Variants in TESPA1 observed in about 807,000 individuals in gnomAD.
TESPA1 encodes the protein protein TESPA1.
Under a neutral mutation model 57.9 loss-of-function variants are expected in TESPA1, and 33 were observed. The observed-to-expected ratio is 0.57, with a 90% confidence interval of 0.43 to 0.76. The LOEUF is 0.76. TESPA1 is among the 30% of genes least tolerant of loss of function. The probability of loss-of-function intolerance (pLI) is 0.00; values close to 1 mark genes in which losing one functional copy is unlikely to be tolerated. For missense variants in TESPA1, 618 were observed against 632.9 expected, an observed-to-expected ratio of 0.98 and a Z score of 0.25; for synonymous variants, 227 against 228.9, an observed-to-expected ratio of 0.99 and a Z score of 0.07.
At chr12:54,974,704 G>T in intron 1 of TESPA1, 97 bp from the exon 2 acceptor site, 1 of 917,090 alleles carries the variant, frequency 1.1e-6, no homozygotes, top group Non-Finnish European at 1.5e-6. Context: ...TCTGCCCAAA[G>T]GAGCTTGGTC....
intron 9 of TESPA1, among the ~76,000 whole-genome samples, chr12:54,961,561 G>T (rs948313561): frequency 6.6e-6 from 1 of 152,196 alleles, no homozygotes. Flanking sequence ...ATCTTCCATA[G>T]ACCCAGGCGA....
chr12:54,954,363 A>G (rs1950602763), intron 10 of TESPA1, among the ~76,000 whole-genome samples: 1 of 152,072 alleles, frequency 6.6e-6, no homozygotes, highest in Non-Finnish European at 1.5e-5. Context: ...ACAAAATAAC[A>G]CTTCTGTATC....
intron 3 of TESPA1, among the ~76,000 whole-genome samples, chr12:54,971,890 T>C (rs1489700039): frequency 6.6e-6 from 1 of 152,188 alleles, no homozygotes; most frequent in South Asian, 2.1e-4. Context: ...TGGATAGATA[T>C]AGACAGACAT....
chr12:54,961,092 T>A lies in TESPA1; in HGVS notation c.*1+76A>T, dbSNP rs1030713329. 814 of 1,287,358 alleles carry A rather than the reference T, an allele frequency of 6.3e-4. 1 individual carries two copies. The highest frequency in any genetic ancestry group is 8.4e-4 in the Non-Finnish European group (778 of 922,504). The allele number at this position is 1,287,358 out of a possible 1,614,324, so 79.7% of individuals were successfully genotyped here. ...AATGTGGGACCCTTTATTATGGGTTTAAAAAAAAAAAACCTTCCTCATTTG... is the reference window on the plus strand; with the variant it reads ...AATGTGGGACCCTTTATTATGGGTTAAAAAAAAAAAAACCTTCCTCATTTG... On this transcript the variant is annotated intron_variant, in intron 10 of 10. Coordinates refer to ENST00000449076, the MANE Select transcript of TESPA1 (RefSeq NM_001136030.3).
At chr12:54,964,415 G>T (rs1030105683) in intron 7 of TESPA1, among the ~76,000 whole-genome samples, 3 of 152,084 alleles carry the variant, frequency 2.0e-5, no homozygotes, top group Non-Finnish European at 4.4e-5. Context: ...TTGATCTTAG[G>T]GCAAAAAGTA....
chr12:54,973,578 G>A, intron 2 of TESPA1, 59 bp from the exon 3 acceptor site: 1 of 1,612,720 alleles, frequency 6.2e-7, no homozygotes, highest in Non-Finnish European at 8.5e-7. Flanking sequence ...CCTCCTCCCT[G>A]CAACTAATTC....
Position 54,973,499 on chromosome 12 carries a change from C to T in TESPA1, c.184G>A (p.Glu62Lys), listed in dbSNP as rs1951975045. ...FQEGNPINKI[E>K]DWLQDCGYSE... ...TACCCGCAATCCTGCAGCCAGTCTT[C>T]AATTTTATTGATTGGATTCCCTAGA... Residue 62 changes from glutamate to lysine, a missense_variant, in exon 3 of 11, where the codon GAA becomes AAA. Glu to Lys is a moderately conservative substitution (Grantham distance 56, BLOSUM62 1). Coordinates refer to ENST00000449076, the MANE Select transcript of TESPA1 (RefSeq NM_001136030.3). The T allele has an allele frequency of 6.2e-7, 1 of 1,613,860 alleles. No homozygotes were observed. The highest frequency in any genetic ancestry group is 8.5e-7 in the Non-Finnish European group (1 of 1,179,896).
At chr12:54,958,246 G>A (rs922487785) in intron 10 of TESPA1, among the ~76,000 whole-genome samples, 3 of 152,110 alleles carry the variant, frequency 2.0e-5, no homozygotes, top group Admixed American at 6.5e-5. Context: ...CTTGTGCAAG[G>A]CTGACATCTG....
intron 10 of TESPA1, among the ~76,000 whole-genome samples, chr12:54,952,530 T>C (rs1321923887): frequency 1.3e-5 from 2 of 152,234 alleles, no homozygotes; most frequent in East Asian, 1.9e-4. Flanking sequence ...ATTACCTTAG[T>C]GATTTATGTT....
At chr12:54,981,749 G>A (rs1952332187) in intron 1 of TESPA1, 1 of 152,140 alleles carries the variant, frequency 6.6e-6, no homozygotes, top group Non-Finnish European at 1.5e-5. Context: ...GAATATTAGT[G>A]GTTTTAAATG....
chr12:54,963,740 A>T lies in TESPA1; in HGVS notation c.655+2T>A, dbSNP rs1951235391. 1 of 1,610,752 alleles carries T rather than the reference A, an allele frequency of 6.2e-7. No individual in the cohort carries two copies. Among genetic ancestry groups the T allele is most frequent in the Non-Finnish European group, 8.5e-7 (1 of 1,178,768 alleles). On this transcript the variant is annotated splice_donor_variant, in intron 8 of 10. Coordinates refer to ENST00000449076, the MANE Select transcript of TESPA1 (RefSeq NM_001136030.3). LOFTEE classifies it high-confidence loss of function. ...GAGCAGGTGCCTGGGAGGGACACTC[A>T]CTGGCCAGCATGAGGCAGGGGTCTT...
intron 10 of TESPA1, among the ~76,000 whole-genome samples, chr12:54,953,627 C>A (rs564576705): frequency 6.6e-6 from 1 of 151,754 alleles, no homozygotes; most frequent in East Asian, 2.0e-4. Context: ...ACGCCATTCT[C>A]CTGCCTCAAG....
intron 1 of TESPA1, among the ~76,000 whole-genome samples, chr12:54,983,360 T>C (rs1952393158): frequency 6.6e-6 from 1 of 152,160 alleles, no homozygotes; most frequent in Non-Finnish European, 1.5e-5. Context: ...TTTCTGATAA[T>C]AGTCCAAGTA....
chr12:54,984,152 A>G (rs548548250), intron 1 of TESPA1: 92 of 152,304 alleles, frequency 6.0e-4, no homozygotes, highest in African/African-American at 2.0e-3. Flanking sequence ...GGAGCTATGG[A>G]CACTAGAGTA....
At chr12:54,958,763 C>T (rs1565830074) in intron 10 of TESPA1, among the ~76,000 whole-genome samples, 1 of 152,270 alleles carries the variant, frequency 6.6e-6, no homozygotes, top group Admixed American at 6.5e-5. Flanking sequence ...TAGTCTCAAG[C>T]TCAGAGATTC....
chr12:54,948,094 G>A lies in TESPA1; in HGVS notation c.*2298C>T, dbSNP rs1412997972. 6.6e-6 allele frequency: 1 copy of A among 152,246 alleles called. No homozygotes were observed. The highest frequency in any genetic ancestry group is 1.5e-5 in the Non-Finnish European group (1 of 68,108). The allele number at this position is 152,246 out of a possible 1,614,324, so 9.4% of individuals were successfully genotyped here. ...AAAAGAGAGTCAGCAAAGGGAGATA[G>A]GGGTGGGGCTGTTTTATAGGATTTA... is the stretch of plus-strand genomic sequence containing the variant. On this transcript the variant is annotated 3_prime_UTR_variant, in exon 11 of 11. Transcript: ENST00000449076.
Position 54,949,054 on chromosome 12 carries a change from G to T in TESPA1, c.*1338C>A, listed in dbSNP as rs532644555. The stretch of plus-strand genomic sequence containing the variant: ...AGGAAGATAGTTCCCCTGTCTCCTG[G>T]TTTCTGTGGGTGGGAAGGGTAGGAA... On this transcript the variant is annotated 3_prime_UTR_variant, in exon 11 of 11. Coordinates refer to ENST00000449076, the MANE Select transcript of TESPA1 (RefSeq NM_001136030.3). 1.3e-5 allele frequency: 2 copies of T among 150,836 alleles called. No homozygotes were observed. Among genetic ancestry groups the T allele is most frequent in the African/African-American group, 4.9e-5 (2 of 41,004 alleles). 9.3% of individuals were successfully genotyped at this position (150,836 alleles called of 1,614,324 possible).
Position 54,966,074 on chromosome 12 carries a change from C to A in TESPA1, c.425G>T (p.Gly142Val). 10 of 1,576,390 alleles carry A rather than the reference C, an allele frequency of 6.3e-6. No individual in the cohort carries two copies. Among genetic ancestry groups the A allele is most frequent in the Non-Finnish European group, 8.6e-6 (10 of 1,159,874 alleles). Residue 142 changes from glycine (G) to valine (V), a missense_variant, in exon 7 of 11, where the codon GGG (glycine) becomes GTG (valine). By Grantham distance (109) the Gly-to-Val change is moderately radical. Coordinates refer to ENST00000449076, the MANE Select transcript of TESPA1 (RefSeq NM_001136030.3). ...CSLASSSMTG[G>V]TNKTSSSISE... ...CTACCTTGAACTAGTCTTGTTGGTC[C>A]CCCCAGTCATGCTGCTGGAAGCCAA...
At chr12:54,971,640 C>T (rs1195799338) in intron 3 of TESPA1, among the ~76,000 whole-genome samples, 1 of 151,958 alleles carries the variant, frequency 6.6e-6, no homozygotes, top group Non-Finnish European at 1.5e-5. Flanking sequence ...TAACAGATAC[C>T]CTTGCACCAG....
Sources: gnomAD v4.1 joint callset for allele counts (sites outside exome capture counted in the v4.1 genomes callset) on GRCh38, gnomAD v4.1.1 for gene constraint, MANE v1.5 for transcripts, NCBI Gene and HGNC (gene_info 2026-07-23, HGNC 2026-07-21) for gene names.